Variants in CCSER1 observed in about 807,000 individuals in gnomAD.
CCSER1 encodes the protein serine-rich coiled-coil domain-containing protein 1.
In CCSER1, 41 loss-of-function variants were observed where a neutral mutation model predicts 82.0. The observed-to-expected ratio is 0.50, with a 90% CI of 0.39 to 0.65. CCSER1 has a LOEUF of 0.65. Ranked by LOEUF, CCSER1 falls within the 30% of genes least tolerant of loss-of-function variation. CCSER1 has a pLI of 0.00. For missense variants in CCSER1, 1,119 were observed against 1,064.2 expected (o/e 1.05, Z -0.72); for synonymous variants, 414 against 383.9 (o/e 1.08, Z -0.92).
At chr4:90,986,367 T>A (rs368207668) in intron 9 of CCSER1, among the ~76,000 whole-genome samples, 1 of 151,796 alleles carries the variant, frequency 6.6e-6, no homozygotes, top group African/African-American at 2.4e-5. Context: ...TGAGTAGAAG[T>A]GAAGATTCAT....
At chr4:91,117,796 T>G (rs892558386) in intron 10 of CCSER1, among the ~76,000 whole-genome samples, 14 of 152,204 alleles carry the variant, frequency 9.2e-5, no homozygotes, top group Admixed American at 1.3e-4. Flanking sequence ...AGACATATTC[T>G]TATGTTTATA....
At chr4:90,396,991 G>A (rs1179545426) in intron 3 of CCSER1, among the ~76,000 whole-genome samples, 2 of 152,076 alleles carry the variant, frequency 1.3e-5, no homozygotes, top group Admixed American at 6.6e-5. Flanking sequence ...GTGTCTTTTA[G>A]GGAGAGATCT....
At chr4:90,139,407 A>G (rs1448847197) in intron 1 of CCSER1, among the ~76,000 whole-genome samples, 1 of 152,156 alleles carries the variant, frequency 6.6e-6, no homozygotes, top group Non-Finnish European at 1.5e-5. Flanking sequence ...TGACCTTTAG[A>G]TGGAGTGTAT....
At chr4:90,496,382 C>T (rs1265155741) in intron 5 of CCSER1, among the ~76,000 whole-genome samples, 4 of 152,116 alleles carry the variant, frequency 2.6e-5, no homozygotes, top group Non-Finnish European at 5.9e-5. Context: ...AATATAAATA[C>T]ATTCAGTATG....
intron 9 of CCSER1, among the ~76,000 whole-genome samples, chr4:90,945,092 T>G (rs1732071619): frequency 6.6e-6 from 1 of 152,180 alleles, no homozygotes; most frequent in Admixed American, 6.5e-5. Flanking sequence ...ATGATTATCT[T>G]TATGTTTCCC....
intron 1 of CCSER1, among the ~76,000 whole-genome samples, chr4:90,243,502 C>T (rs990427159): frequency 5.9e-5 from 9 of 151,844 alleles, no homozygotes; most frequent in Admixed American, 3.3e-4. Context: ...CTGCCTCAGC[C>T]TCCCAGAGTG....
intron 8 of CCSER1, among the ~76,000 whole-genome samples, chr4:90,844,517 G>A (rs1196828508): frequency 1.3e-5 from 2 of 151,952 alleles, no homozygotes; most frequent in South Asian, 2.1e-4. Context: ...TTTTGCCTTA[G>A]CTCATTTCTT....
At chr4:91,013,391 A>G (rs2150506990) in intron 9 of CCSER1, among the ~76,000 whole-genome samples, 1 of 133,282 alleles carries the variant, frequency 7.5e-6, no homozygotes, top group South Asian at 2.4e-4. Flanking sequence ...GCATAAGTCT[A>G]TTTCAACCTT....
chr4:91,130,248 T>C (rs1166017914), intron 10 of CCSER1, among the ~76,000 whole-genome samples: 1 of 151,834 alleles, frequency 6.6e-6, no homozygotes, highest in East Asian at 1.9e-4. Flanking sequence ...TATTTTTATA[T>C]ATTATTTTAA....
At chr4:90,159,574 A>G (rs1476817107) in intron 1 of CCSER1, among the ~76,000 whole-genome samples, 1 of 152,220 alleles carries the variant, frequency 6.6e-6, no homozygotes, top group African/African-American at 2.4e-5. Flanking sequence ...GATATACCAA[A>G]TTAGTTCTCC....
At chr4:91,078,518 C>T (rs1045041022) in intron 9 of CCSER1, among the ~76,000 whole-genome samples, 9 of 152,238 alleles carry the variant, frequency 5.9e-5, no homozygotes, top group African/African-American at 2.2e-4. Flanking sequence ...TCAAAAGCCT[C>T]TTCTCCTCCA....
In CCSER1 at chr4:90,224,039, A is replaced by G. The variant is rs560269565; in HGVS notation, c.-41-84205A>G. Among the ~76,000 whole-genome samples the G allele has an allele frequency of 1.4e-4, 22 of 152,338 alleles. 1 individual carries two copies. Among genetic ancestry groups the G allele is most frequent in the African/African-American group, 4.8e-4 (20 of 41,594 alleles). On this transcript the variant is annotated intron_variant, in intron 1 of 10. Coordinates refer to ENST00000509176, the MANE Select transcript of CCSER1 (RefSeq NM_001145065.2). ...ATTGGGAAGTTGCTAATGTAAGTGC[A>G]TATTGCCCTAGTACTCTTTTCAGTC...
At chr4:91,410,200 T>C (rs1220974768) in intron 10 of CCSER1, among the ~76,000 whole-genome samples, 1 of 152,224 alleles carries the variant, frequency 6.6e-6, no homozygotes, top group Admixed American at 6.5e-5. Flanking sequence ...TTCACTGTTA[T>C]TCCTACTGGA....
chr4:90,398,632 A>G (rs921791457), intron 3 of CCSER1, among the ~76,000 whole-genome samples: 2 of 151,950 alleles, frequency 1.3e-5, no homozygotes, highest in African/African-American at 4.8e-5. Context: ...TGCTGCCTAT[A>G]TTTTCTCATT....
chr4:90,732,297 G>A (rs1744898898), intron 7 of CCSER1, among the ~76,000 whole-genome samples: 1 of 152,126 alleles, frequency 6.6e-6, no homozygotes, highest in Non-Finnish European at 1.5e-5. Flanking sequence ...CAGTTCCAGA[G>A]TGTGTCGACA....
intron 10 of CCSER1, among the ~76,000 whole-genome samples, chr4:91,154,480 G>A (rs982100262): frequency 4.0e-5 from 6 of 149,698 alleles, no homozygotes; most frequent in East Asian, 4.1e-4. Flanking sequence ...ATGCCAATGC[G>A]TTGCCCTGCT....
intron 6 of CCSER1, among the ~76,000 whole-genome samples, chr4:90,702,080 TGC>T (rs746323290): frequency 3.3e-5 from 5 of 152,176 alleles, no homozygotes; most frequent in Non-Finnish European, 7.4e-5. Flanking sequence ...TTCCAGTTTT[TGC>T]CCATTCAGTA....
chr4:90,895,053 A>G (rs567156850), intron 8 of CCSER1, among the ~76,000 whole-genome samples: 1 of 151,988 alleles, frequency 6.6e-6, no homozygotes, highest in Non-Finnish European at 1.5e-5. Context: ...AACATGGAGC[A>G]AAATATAATG....
chr4:90,300,716 G>C (rs1388083654), intron 1 of CCSER1, among the ~76,000 whole-genome samples: 2 of 152,214 alleles, frequency 1.3e-5, no homozygotes, highest in Non-Finnish European at 2.9e-5. Flanking sequence ...TGTACAGACA[G>C]ATAGACCTAT....
Sources: gnomAD v4.1 joint callset for allele counts (sites outside exome capture counted in the v4.1 genomes callset) on GRCh38, gnomAD v4.1.1 for gene constraint, MANE v1.5 for transcripts, NCBI Gene and HGNC (gene_info 2026-07-23, HGNC 2026-07-21) for gene names.